NR5A2: variants seen among roughly 807,000 people sequenced by gnomAD.
NR5A2 encodes nuclear receptor subfamily 5 group A member 2, also known as CYP7A promoter-binding factor.
NR5A2 carries 26 observed loss-of-function variants against 62.7 expected under a neutral mutation model. The ratio of observed to expected loss-of-function variants is 0.41; its 90% CI spans 0.30 to 0.58. The LOEUF (loss-of-function observed/expected upper bound fraction) is 0.58, where lower values mean the gene tolerates loss of function less well. NR5A2 is among the 20% of genes least tolerant of loss of function. The probability of loss-of-function intolerance (pLI) is 0.22; values close to 1 mark genes in which losing one functional copy is unlikely to be tolerated. For synonymous variants in NR5A2, 246 were observed against 241.7 expected (o/e 1.02, Z -0.16); for missense variants, 541 against 669.1 (o/e 0.81, Z 2.11).
At chr1:200,055,452 T>A (rs1436217699) in intron 5 of NR5A2, among the ~76,000 whole-genome samples, 1 of 152,038 alleles carries the variant, frequency 6.6e-6, no homozygotes, top group Non-Finnish European at 1.5e-5. Context: ...AGCCTCGGCA[T>A]CCCAAAGTTT....
At chr1:200,058,887 A>C (rs1161465040) in intron 5 of NR5A2, among the ~76,000 whole-genome samples, 5 of 145,450 alleles carry the variant, frequency 3.4e-5, no homozygotes, top group Non-Finnish European at 6.0e-5. Flanking sequence ...AGGTGGGAGG[A>C]TCACCTGAGG....
intron 7 of NR5A2, among the ~76,000 whole-genome samples, chr1:200,154,845 C>T (rs952458903): frequency 2.0e-5 from 3 of 152,226 alleles, no homozygotes; most frequent in African/African-American, 2.4e-5. Context: ...TATCTACCCA[C>T]GTCTTCTCTT....
rs746682987 is a variant in NR5A2 at position 200,174,226 on chromosome 1, A to C, written c.*16A>C. ...AAGAGCATAAGTTACAACCCCTAGG[A>C]GCTCTGCTTTCAAAACAAAAAGAGA... On this transcript the variant is annotated 3_prime_UTR_variant, in exon 8 of 8. Coordinates refer to ENST00000367362, the MANE Select transcript of NR5A2 (RefSeq NM_205860.3). The C allele has an allele frequency of 1.3e-6, 2 of 1,524,530 alleles. No individual in the cohort carries two copies. Among genetic ancestry groups the C allele is most frequent in the African/African-American group, 2.8e-5 (2 of 71,682 alleles). 94.4% of individuals were successfully genotyped at this position (1,524,530 alleles called of 1,614,324 possible). A position where few individuals can be genotyped will look rare whatever the true frequency, so the allele number is the denominator to read the frequency against.
At position 200,039,761 on chromosome 1, in the gene NR5A2, T is replaced by C. The variant is rs753803795; in HGVS notation, c.168T>C (p.His56=). The C allele has an allele frequency of 1.2e-5, 20 of 1,609,270 alleles. No homozygotes were observed. The highest frequency in any genetic ancestry group is 4.4e-5 in the South Asian group (4 of 90,858). Residue 56 remains histidine (H), a synonymous_variant, in exon 2 of 8, where the codon CAT becomes CAC. Transcript: ENST00000367362. The surrounding 1 kb of genome is among the most constrained non-coding windows in gnomAD (Gnocchi z 5.1). The part of the protein sequence containing the change: ...ETEALGLARS[H]GEQGQMPENM... ...AAGCCCTGGGACTGGCTCGATCGCA[T>C]GGGGAACAGGGCCAGATGCCGGAAA... is the stretch of plus-strand genomic sequence containing the variant.
chr1:200,142,789 C>G (rs1352865902), intron 7 of NR5A2, among the ~76,000 whole-genome samples: 2 of 151,892 alleles, frequency 1.3e-5, no homozygotes, highest in East Asian at 3.8e-4. Context: ...TTCATTTTTT[C>G]CTTTTTAATT....
intron 7 of NR5A2, among the ~76,000 whole-genome samples, chr1:200,159,048 ATTT>A (rs56931686): frequency 1.4e-5 from 2 of 146,746 alleles, no homozygotes; most frequent in African/African-American, 5.0e-5. Context: ...ACACCCAGCT[ATTT>A]TTTTTTTTAA....
At chr1:200,148,284 C>A in intron 7 of NR5A2, 1 of 195,960 alleles carries the variant, frequency 5.1e-6, no homozygotes, top group South Asian at 1.3e-4. Context: ...AGCCATGGCT[C>A]TCCTGTTCTT....
intron 2 of NR5A2, among the ~76,000 whole-genome samples, chr1:200,041,159 AC>A (rs1662055643): frequency 1.3e-5 from 2 of 152,202 alleles, no homozygotes; most frequent in South Asian, 4.1e-4. Flanking sequence ...TGAGGCCGGC[AC>A]GATTCTTGGC....
At chr1:200,029,219 C>A (rs1351809208) in intron 1 of NR5A2, 3 of 234,746 alleles carry the variant, frequency 1.3e-5, no homozygotes, top group Non-Finnish European at 2.5e-5. Flanking sequence ...GGACTGCGCG[C>A]GCACGGGGGA....
chr1:200,174,377 T>A lies in NR5A2; in HGVS notation c.*167T>A. On this transcript the variant is annotated 3_prime_UTR_variant, in exon 8 of 8. Coordinates refer to ENST00000367362, the MANE Select transcript of NR5A2 (RefSeq NM_205860.3). The stretch of plus-strand genomic sequence containing the variant: ...TAAAAAGGCATAATAATCAAATACT[T>A]AATAGCAAATAAATGATGTATCAGG... The A allele has an allele frequency of 1.7e-6, 1 of 596,396 alleles. No homozygotes were observed. Among genetic ancestry groups the A allele is most frequent in the Non-Finnish European group, 2.6e-6 (1 of 392,062 alleles). The allele number at this position is 596,396 out of a possible 1,614,324, so 36.9% of individuals were successfully genotyped here.
At chr1:200,135,479 C>A (rs1667177319) in intron 7 of NR5A2, among the ~76,000 whole-genome samples, 1 of 151,508 alleles carries the variant, frequency 6.6e-6, no homozygotes, top group Non-Finnish European at 1.5e-5. Context: ...CAAGATTGCG[C>A]CCCTGCTCTC....
intron 1 of NR5A2, chr1:200,029,061 G>C: frequency 2.2e-6 from 1 of 448,664 alleles, no homozygotes; most frequent in Non-Finnish European, 4.5e-6. Flanking sequence ...GCACAAGAAA[G>C]ATGAGAGAGC....
chr1:200,045,113 C>T (rs1662297809), intron 3 of NR5A2, among the ~76,000 whole-genome samples: 1 of 151,926 alleles, frequency 6.6e-6, no homozygotes, highest in Admixed American at 6.6e-5. Flanking sequence ...CTATCAGGAA[C>T]ATGTGGGATA....
intron 5 of NR5A2, among the ~76,000 whole-genome samples, chr1:200,070,704 G>C (rs1663701674): frequency 6.7e-6 from 1 of 149,588 alleles, no homozygotes; most frequent in South Asian, 2.1e-4. Flanking sequence ...ATCACTCACT[G>C]TTCCTGCATA....
At chr1:200,092,873 CTTTTTTTTTTTTT>C (rs869028679) in intron 5 of NR5A2, among the ~76,000 whole-genome samples, 6 of 64,254 alleles carry the variant, frequency 9.3e-5, no homozygotes, top group African/African-American at 3.4e-4. Context: ...AAAGACAGGT[CTTTTTTTTTTTTT>C]TTTTTTTTTT....
At chr1:200,105,919 C>T (rs1027084774) in intron 5 of NR5A2, among the ~76,000 whole-genome samples, 3 of 151,902 alleles carry the variant, frequency 2.0e-5, no homozygotes, top group Non-Finnish European at 1.5e-5. Context: ...AAAGCCTCTG[C>T]AATAAGGAAA....
intron 2 of NR5A2, among the ~76,000 whole-genome samples, chr1:200,041,696 C>T (rs3790843): frequency 0.3 from 45,332 of 152,008 alleles, 8,275 homozygotes; most frequent in East Asian, 0.71. Flanking sequence ...TCCCCAAACG[C>T]CTACTTCGGC....
intron 5 of NR5A2, among the ~76,000 whole-genome samples, chr1:200,053,569 GCA>G (rs34611924): frequency 0.077 from 10,951 of 142,018 alleles, 448 homozygotes; most frequent in Non-Finnish European, 0.094. Flanking sequence ...GCATGCACAC[GCA>G]CACACACACA....
intron 5 of NR5A2, among the ~76,000 whole-genome samples, chr1:200,097,980 G>C (rs1665179190): frequency 1.3e-5 from 2 of 152,226 alleles, no homozygotes; most frequent in Non-Finnish European, 2.9e-5. Flanking sequence ...CTTGCAGCTT[G>C]TGTAGAATGT....
Sources: allele counts gnomAD v4.1 joint callset (sites outside exome capture counted in the v4.1 genomes callset), GRCh38; gene constraint gnomAD v4.1.1; non-coding constraint Gnocchi (gnomAD v3.1); transcripts MANE v1.5; gene names NCBI Gene and HGNC (gene_info 2026-07-23, HGNC 2026-07-21).